AKNA: variants seen among roughly 807,000 people sequenced by gnomAD.
The protein encoded by AKNA is AT-hook transcription factor.
A neutral mutation model predicts 138.8 loss-of-function variants in AKNA; 67 were observed. The observed-to-expected ratio is 0.48, with a 90% CI of 0.40 to 0.59. The LOEUF (loss-of-function observed/expected upper bound fraction) is 0.59, where lower values mean the gene tolerates loss of function less well. Among genes scored for constraint, AKNA ranks in the 20% least tolerant of loss-of-function variants. AKNA has a pLI of 0.00. For synonymous variants in AKNA, 737 were observed against 754.4 expected (o/e 0.98, Z 0.38); for missense variants, 1,813 against 1,880.4 (o/e 0.96, Z 0.66).
At position 114,346,735 on chromosome 9, in the gene AKNA, C is replaced by T; in HGVS notation, c.3448G>A (p.Val1150Ile). Residue 1150 changes from valine to isoleucine, a missense_variant, in exon 17 of 22, where the codon GTC becomes ATC. Physicochemically the swap from Val to Ile is conservative, Grantham distance 29. Coordinates refer to ENST00000374088, the MANE Select transcript of AKNA (RefSeq NM_001317950.2). ...CTGGCTCGCTGCCTTCCTGGAGGGA[C>T]AATCTGCTCTTCACCTCTAGGCTCA... ...PGEPRGEEQI[V>I]PPGRQRARSS... 2.5e-6 allele frequency: 4 copies of T among 1,613,328 alleles called. No individual in the cohort carries two copies. The South Asian group carries it at 4.4e-5, about 18-fold the overall frequency.
chr9:114,396,139 G>C (rs1834527182), upstream of AKNA, among the ~76,000 whole-genome samples: 1 of 151,894 alleles, frequency 6.6e-6, no homozygotes, highest in South Asian at 2.1e-4. Flanking sequence ...AGACACTAGG[G>C]AATAACAATG....
At chr9:114,389,303 G>A (rs1416628834), upstream of AKNA, among the ~76,000 whole-genome samples, 2 of 152,054 alleles carry the variant, frequency 1.3e-5, no homozygotes, top group African/African-American at 4.8e-5. Context: ...CCCCACCCAG[G>A]ACCCAGAGAC....
In AKNA at chr9:114,358,061, C is replaced by A. The variant is rs760784687; in HGVS notation, c.2599G>T (p.Gly867Cys). 1.2e-6 allele frequency: 2 copies of A among 1,613,376 alleles called. No homozygotes were observed. The highest frequency in any genetic ancestry group is 1.7e-6 in the Non-Finnish European group (2 of 1,179,540). The change falls in exon 12 of 22, where the codon GGC becomes TGC. Residue 867 changes from glycine (G) to cysteine (C), a missense_variant. Transcript: ENST00000374088. ...GLGKAEAAPP[G>C]PGVPPHPPGT... ...GGAGGGTGGGGTGGCACGCCAGGGC[C>A]TGGAGGGGCTGCCTCAGCCTTGCCC...
chr9:114,383,797 G>C (rs979384957), intron 1 of AKNA, among the ~76,000 whole-genome samples: 2 of 152,206 alleles, frequency 1.3e-5, no homozygotes, highest in East Asian at 3.9e-4. Context: ...GCCCGGGAAA[G>C]GCTGACTTCT....
upstream of AKNA, among the ~76,000 whole-genome samples, chr9:114,392,887 GAACA>G (rs1834397530): frequency 6.6e-6 from 1 of 152,176 alleles, no homozygotes; most frequent in South Asian, 2.1e-4. Context: ...TTAAGGAGCA[GAACA>G]AACAGCCCCT....
chr9:114,376,523 C>G lies in AKNA; in HGVS notation c.1284G>C (p.Arg428Ser). The G allele has an allele frequency of 6.2e-7, 1 of 1,613,958 alleles. No individual in the cohort carries two copies. The highest frequency in any genetic ancestry group is 1.1e-5 in the South Asian group (1 of 91,074). Residue 428 changes from arginine (R) to serine (S), a missense_variant, in exon 3 of 22, where the codon AGG (arginine) becomes AGC (serine). Coordinates refer to ENST00000374088, the MANE Select transcript of AKNA (RefSeq NM_001317950.2). ...CAGGCGTCTGAAATTCTTGGGGTACCCTGGTGATAGGGTGGGCAGGAGGCG... is the reference window on the plus strand; with the variant it reads ...CAGGCGTCTGAAATTCTTGGGGTACGCTGGTGATAGGGTGGGCAGGAGGCG... Reference protein sequence around the residue: ...KDTPPAHPITRVPQEFQTPEQ... With the variant: ...KDTPPAHPITSVPQEFQTPEQ...
chr9:114,345,782 T>C (rs1469979673), intron 18 of AKNA, 81 bp downstream of exon 18: 1 of 1,378,920 alleles, frequency 7.3e-7, no homozygotes, highest in East Asian at 2.4e-5. Flanking sequence ...CCACTGGGTA[T>C]ATGGAAAGGG....
chr9:114,381,220 T>G lies in AKNA; in HGVS notation c.114A>C (p.Ser38=), dbSNP rs141276973. Reference sequence around the variant, plus strand: ...AGAGTCTCTCTTCTTCCCAGCTTTGTGAACTACTTCTATCCACATCCCTCT... The same window carrying G: ...AGAGTCTCTCTTCTTCCCAGCTTTGGGAACTACTTCTATCCACATCCCTCT... ...EDKRDVDRSS[S]QSWEEERLFP... The change falls in exon 2 of 22, where the codon TCA becomes TCC. Residue 38 remains serine, a synonymous_variant. Coordinates refer to ENST00000374088, the MANE Select transcript of AKNA (RefSeq NM_001317950.2). 1.7e-5 allele frequency: 27 copies of G among 1,614,180 alleles called. No individual in the cohort carries two copies. The highest frequency in any genetic ancestry group is 2.2e-5 in the Non-Finnish European group (26 of 1,180,028).
In AKNA at chr9:114,374,038, G is replaced by T. The variant is rs1041904552; in HGVS notation, c.1416+55C>A. ...GGCCTTTCTCTAGGACTATGGAAAA[G>T]TGTCACCTCCTCGGGGACTTGGGCC... On this transcript the variant is annotated intron_variant, in intron 4 of 21. Transcript: ENST00000374088. 1.2e-5 allele frequency: 18 copies of T among 1,527,558 alleles called. No homozygotes were observed. In the Admixed American group the frequency reaches 3.5e-4, roughly 30 times the overall value. 94.6% of individuals were successfully genotyped at this position (1,527,558 alleles called of 1,614,324 possible). A position where few individuals can be genotyped will look rare whatever the true frequency, so the allele number is the denominator to read the frequency against.
intron 11 of AKNA, among the ~76,000 whole-genome samples, chr9:114,358,868 A>G (rs1831705585): frequency 6.6e-6 from 1 of 151,934 alleles, no homozygotes; most frequent in African/African-American, 2.4e-5. Flanking sequence ...AGATATACCT[A>G]ATGTTAAATG....
At chr9:114,346,136 A>C in intron 17 of AKNA, 127 bp from the exon 18 acceptor site, 1 of 928,848 alleles carries the variant, frequency 1.1e-6, no homozygotes, top group Non-Finnish European at 1.6e-6. Flanking sequence ...TCTCCCCCTT[A>C]GGAGTAACAG....
At chr9:114,332,038 T>C (rs1218342557), downstream of AKNA, 5 of 878,782 alleles carry the variant, frequency 5.7e-6, no homozygotes, top group African/African-American at 9.0e-5. Context: ...GCTAGGCAGA[T>C]CTTCTGCTTT....
intron 18 of AKNA, chr9:114,345,580 T>C (rs1308300907): frequency 3.2e-6 from 1 of 314,644 alleles, no homozygotes; most frequent in Non-Finnish European, 5.9e-6. Context: ...TGATCAGAAC[T>C]TCTTTAGGAT....
At chr9:114,378,792 T>C (rs1340489280) in intron 2 of AKNA, among the ~76,000 whole-genome samples, 1 of 152,118 alleles carries the variant, frequency 6.6e-6, no homozygotes, top group Non-Finnish European at 1.5e-5. Context: ...CTAACCACCA[T>C]CCATGCAGTC....
chr9:114,371,427 A>G (rs776613746), intron 4 of AKNA, among the ~76,000 whole-genome samples: 2 of 152,246 alleles, frequency 1.3e-5, no homozygotes, highest in Non-Finnish European at 2.9e-5. Context: ...TCTTATTACT[A>G]TAACAGTCAT....
At chr9:114,386,757 C>A (rs930643257) in intron 1 of AKNA, among the ~76,000 whole-genome samples, 2 of 152,144 alleles carry the variant, frequency 1.3e-5, no homozygotes, top group Admixed American at 6.5e-5. Context: ...GACTCTTCTT[C>A]CCCACCACCC....
chr9:114,390,265 C>G (rs759777527), upstream of AKNA, among the ~76,000 whole-genome samples: 1 of 152,126 alleles, frequency 6.6e-6, no homozygotes, highest in African/African-American at 2.4e-5. Context: ...GCACTGCCCC[C>G]TCTTGGATCA....
intron 13 of AKNA, 81 bp downstream of exon 13, chr9:114,356,782 C>G: frequency 8.1e-7 from 1 of 1,234,818 alleles, no homozygotes. Context: ...CTCTCTTATT[C>G]TGGGCCATCA....
intron 14 of AKNA, among the ~76,000 whole-genome samples, chr9:114,355,196 TAC>T (rs1831405717): frequency 8.0e-6 from 1 of 124,242 alleles, no homozygotes; most frequent in African/African-American, 3.1e-5. Flanking sequence ...TTTTTTTTGA[TAC>T]AGAGTCTTGC....
Sources: gnomAD v4.1 joint callset for allele counts (sites outside exome capture counted in the v4.1 genomes callset) on GRCh38, gnomAD v4.1.1 for gene constraint, MANE v1.5 for transcripts, NCBI Gene and HGNC (gene_info 2026-07-23, HGNC 2026-07-21) for gene names.